Variants in HIPK1 observed in about 807,000 individuals in gnomAD.
The protein encoded by HIPK1 is homeodomain interacting protein kinase 1, also known as homeodomain-interacting protein kinase 1.
Under a neutral mutation model 117.1 loss-of-function variants are expected in HIPK1, and 28 were observed. The observed-to-expected ratio is 0.24, with a 90% CI of 0.18 to 0.33. HIPK1 has a LOEUF of 0.33. HIPK1 is among the 10% of genes least tolerant of loss of function. The pLI is 1.00. For synonymous variants in HIPK1, 605 were observed against 562.5 expected (o/e 1.08, Z -1.07); for missense variants, 1,122 against 1,475.1 (o/e 0.76, Z 3.92).
In HIPK1 at chr1:113,929,442, G is replaced by T. The variant is rs1669679830; in HGVS notation, c.-93G>T. Reference sequence around the variant, plus strand: ...ACTCGATCCACGCTGGCTCCCTACGGAGGCCCACCTACTCGAGGCCCACCG... The same window carrying T: ...ACTCGATCCACGCTGGCTCCCTACGTAGGCCCACCTACTCGAGGCCCACCG... On this transcript the variant is annotated 5_prime_UTR_variant, in exon 1 of 16. Coordinates refer to ENST00000426820, the MANE Select transcript of HIPK1 (RefSeq NM_198268.3). 2 of 1,289,276 alleles carry T rather than the reference G, an allele frequency of 1.6e-6. No individual in the cohort carries two copies. Among genetic ancestry groups the T allele is most frequent in the Non-Finnish European group, 2.0e-6 (2 of 988,880 alleles). The allele number at this position is 1,289,276 out of a possible 1,614,324, so 79.9% of individuals were successfully genotyped here.
intron 9 of HIPK1, 74 bp from the exon 10 acceptor site, chr1:113,963,313 G>A: frequency 2.6e-6 from 4 of 1,524,928 alleles, no homozygotes; most frequent in South Asian, 1.2e-5. Flanking sequence ...AACTTGGGGG[G>A]AATGAGAACC....
chr1:113,946,041 T>G (rs927371295), intron 2 of HIPK1, among the ~76,000 whole-genome samples: 2 of 152,208 alleles, frequency 1.3e-5, no homozygotes, highest in African/African-American at 4.8e-5. Flanking sequence ...AATAAACTCT[T>G]AGAGCCTTTG....
intron 2 of HIPK1, among the ~76,000 whole-genome samples, chr1:113,944,519 C>T (rs183994402): frequency 7.3e-6 from 1 of 136,412 alleles, no homozygotes; most frequent in Admixed American, 7.5e-5. Flanking sequence ...GAGTCTTGCT[C>T]TGTTGCCAGG....
rs2101366243 is a variant in HIPK1 at position 113,958,260 on chromosome 1, G to C, written c.1950G>C (p.Gln650His). The C allele has an allele frequency of 1.9e-6, 3 of 1,614,058 alleles. No individual in the cohort carries two copies. In the East Asian group the frequency reaches 6.7e-5, roughly 36 times the overall value. ...GCACTCAGACAGATCCATTCCAACA[G>C]ACATTTATAGTATGTCCACCTGCGT... ...QICTQTDPFQ[Q>H]TFIVCPPAFQ... The change falls in exon 8 of 16, where the codon CAG becomes CAC. Residue 650 changes from glutamine (Q) to histidine (H), a missense_variant. Transcript: ENST00000426820.
At chr1:113,970,300 T>G in intron 14 of HIPK1, 103 bp downstream of exon 14, 1 of 1,258,162 alleles carries the variant, frequency 7.9e-7, no homozygotes, top group Non-Finnish European at 1.1e-6. Flanking sequence ...ACCAGTGGTG[T>G]AGACATTCTT....
At chr1:113,945,634 G>C (rs1477725762) in intron 2 of HIPK1, among the ~76,000 whole-genome samples, 1 of 152,192 alleles carries the variant, frequency 6.6e-6, no homozygotes, top group East Asian at 1.9e-4. Flanking sequence ...GGAATCATTT[G>C]AACATATATA....
Position 113,975,846 on chromosome 1 carries a change from T to C in HIPK1, c.*2334T>C, listed in dbSNP as rs761134591. On this transcript the variant is annotated 3_prime_UTR_variant, in exon 16 of 16. Coordinates refer to ENST00000426820, the MANE Select transcript of HIPK1 (RefSeq NM_198268.3). ...AAATTGTCCTTGTACTCTCAGCTCC[T>C]GCATGGATCTGGGTCAAGTAGAAGG... is the stretch of plus-strand genomic sequence containing the variant. 6.5e-6 allele frequency: 1 copy of C among 152,694 alleles called. No individual in the cohort carries two copies. The highest frequency in any genetic ancestry group is 2.4e-5 in the African/African-American group (1 of 41,440). The allele number at this position is 152,694 out of a possible 1,614,324, so 9.5% of individuals were successfully genotyped here. A position where few individuals can be genotyped will look rare whatever the true frequency, so the allele number is the denominator to read the frequency against.
At chr1:113,930,003 G>GGGGCC (rs1669744533) in intron 1 of HIPK1, 2 of 985,136 alleles carry the variant, frequency 2.0e-6, no homozygotes, top group African/African-American at 1.7e-5. Context: ...TCCCTGAGGC[G>GGGGCC]GGGCCGGGCC....
At chr1:113,934,145 G>C (rs1670096339) in intron 1 of HIPK1, among the ~76,000 whole-genome samples, 1 of 152,220 alleles carries the variant, frequency 6.6e-6, no homozygotes, top group Non-Finnish European at 1.5e-5. Flanking sequence ...ATATAGTACA[G>C]TTTTTAGGTC....
intron 14 of HIPK1, among the ~76,000 whole-genome samples, 187 bp from the exon 15 acceptor site, chr1:113,971,636 TC>T (rs1434731440): frequency 2.0e-5 from 3 of 152,294 alleles, no homozygotes; most frequent in East Asian, 3.9e-4. Flanking sequence ...ATTTTGAGGA[TC>T]CTATGTGGAG....
chr1:113,954,262 C>G (rs952550901), intron 3 of HIPK1, among the ~76,000 whole-genome samples: 3 of 152,188 alleles, frequency 2.0e-5, no homozygotes, highest in African/African-American at 7.2e-5. Flanking sequence ...CATGCCTGGC[C>G]TATATTGTCA....
chr1:113,955,765 T>C (rs1022108408), intron 5 of HIPK1, 116 bp downstream of exon 5: 2 of 583,368 alleles, frequency 3.4e-6, no homozygotes, highest in Non-Finnish European at 6.1e-6. Context: ...TCAGTTTTTA[T>C]AAAAAATGCA....
chr1:113,956,489 T>G (rs1671735696), intron 5 of HIPK1, 138 bp from the exon 6 acceptor site: 1 of 521,344 alleles, frequency 1.9e-6, no homozygotes, highest in Admixed American at 4.0e-5. Flanking sequence ...AATGATTAGA[T>G]TTTCATAAAA....
intron 2 of HIPK1, among the ~76,000 whole-genome samples, chr1:113,949,780 A>C (rs954032058): frequency 3.3e-5 from 5 of 151,756 alleles, no homozygotes; most frequent in African/African-American, 1.2e-4. Flanking sequence ...TTATATTTTT[A>C]GTAGAGATGG....
At chr1:113,960,591 T>C (rs1226335986) in intron 8 of HIPK1, among the ~76,000 whole-genome samples, 2 of 152,204 alleles carry the variant, frequency 1.3e-5, no homozygotes, top group African/African-American at 4.8e-5. Flanking sequence ...GAGGCTATTA[T>C]TATACAATAC....
Position 113,940,557 on chromosome 1 carries a change from C to T in HIPK1, c.174C>T (p.Ser58=), listed in dbSNP as rs756207640. Residue 58 remains serine (S), a synonymous_variant, in exon 2 of 16, where the codon TCC becomes TCT. Transcript: ENST00000426820. ...CAGCCACACAAGGGCAAGCCAACTC[C>T]TCTCACCAGGTAGCAAATTTCAACA... ...TLPATQGQAN[S]SHQVANFNIP... 3 of 1,614,190 alleles carry T rather than the reference C, an allele frequency of 1.9e-6. No homozygotes were observed. Among genetic ancestry groups the T allele is most frequent in the East Asian group, 2.2e-5 (1 of 44,886 alleles).
intron 1 of HIPK1, chr1:113,930,413 T>A (rs998449206): frequency 3.9e-5 from 6 of 152,328 alleles, no homozygotes; most frequent in African/African-American, 1.4e-4. Context: ...GTGTGGAAGC[T>A]TTTCTGTCGT....
At chr1:113,931,280 C>G (rs1669881069) in intron 1 of HIPK1, among the ~76,000 whole-genome samples, 2 of 151,182 alleles carry the variant, frequency 1.3e-5, no homozygotes, top group South Asian at 2.1e-4. Flanking sequence ...AATCATTTGA[C>G]CTAATTTTCA....
chr1:113,966,242 TGGGG>T lies in HIPK1; in HGVS notation c.2352_2355del (p.Met784IlefsTer6). The stretch of plus-strand genomic sequence containing the variant: ...CCCACAGCAATGATTCCAGAGGCCA[TGGGG>T]AGTGGACAGCAGCTAGCTGACTGGA... On this transcript the variant is annotated frameshift_variant, in exon 11 of 16. Transcript: ENST00000426820. LOFTEE classifies it high-confidence loss of function. The T allele has an allele frequency of 6.2e-7, 1 of 1,613,778 alleles. No individual in the cohort carries two copies. The highest frequency in any genetic ancestry group is 8.5e-7 in the Non-Finnish European group (1 of 1,179,846).
Sources: allele counts gnomAD v4.1 joint callset (sites outside exome capture counted in the v4.1 genomes callset), GRCh38; gene constraint gnomAD v4.1.1; transcripts MANE v1.5; gene names NCBI Gene and HGNC (gene_info 2026-07-23, HGNC 2026-07-21).